CENPP: variants seen among roughly 807,000 people sequenced by gnomAD.
CENPP encodes the protein centromere protein P.
A neutral mutation model predicts 35.6 loss-of-function variants in CENPP; 24 were observed. The ratio of observed to expected loss-of-function variants is 0.67; its 90% CI spans 0.49 to 0.95. The LOEUF is 0.95. Ranked by LOEUF, CENPP falls within the 40% of genes least tolerant of loss-of-function variation. The pLI is 0.00. For missense variants in CENPP, 332 were observed against 345.3 expected (o/e 0.96, Z 0.31); for synonymous variants, 120 against 125.5 (o/e 0.96, Z 0.29).
At chr9:92,496,010 G>A (rs1205563950) in intron 5 of CENPP, 10 of 1,004,122 alleles carry the variant, frequency 1.0e-5, no homozygotes, top group Non-Finnish European at 1.2e-5. Flanking sequence ...TGATTATAAA[G>A]GCTGTGTTTA....
At chr9:92,514,554 CGTGA>C in intron 5 of CENPP, 2 of 1,506,544 alleles carry the variant, frequency 1.3e-6, no homozygotes, top group Non-Finnish European at 1.8e-6. Flanking sequence ...AGATTATAGG[CGTGA>C]GCCACCGTGC....
intron 4 of CENPP, among the ~76,000 whole-genome samples, chr9:92,351,055 C>T (rs1316943030): frequency 1.3e-5 from 2 of 152,160 alleles, no homozygotes; most frequent in Non-Finnish European, 2.9e-5. Flanking sequence ...AACTTGTTTT[C>T]CTATTTTTTT....
At chr9:92,416,876 G>C in intron 5 of CENPP, 5 of 1,613,930 alleles carry the variant, frequency 3.1e-6, no homozygotes, top group Non-Finnish European at 4.2e-6. Context: ...CAAACCAGGA[G>C]GCATTGATTC....
At chr9:92,436,200 G>A (rs913001969) in intron 5 of CENPP, among the ~76,000 whole-genome samples, 1 of 152,142 alleles carries the variant, frequency 6.6e-6, no homozygotes, top group Non-Finnish European at 1.5e-5. Context: ...TGCTATCTGT[G>A]TATTCTTTTT....
chr9:92,408,409 C>A (rs1055702788), intron 5 of CENPP, among the ~76,000 whole-genome samples: 1 of 152,160 alleles, frequency 6.6e-6, no homozygotes, highest in Non-Finnish European at 1.5e-5. Context: ...TGGTCTCGAT[C>A]TCTTGATCTC....
intron 5 of CENPP, chr9:92,517,916 A>G: frequency 6.2e-7 from 1 of 1,609,874 alleles, no homozygotes; most frequent in Non-Finnish European, 8.5e-7. Context: ...TTCTTATGTG[A>G]TTATCAGTAA....
intron 5 of CENPP, among the ~76,000 whole-genome samples, chr9:92,543,006 T>C (rs1041503940): frequency 4.6e-5 from 7 of 152,224 alleles, no homozygotes; most frequent in African/African-American, 1.7e-4. Context: ...CTTGGCACTT[T>C]TGTCAAAAAC....
chr9:92,501,514 G>A (rs2131154398), intron 5 of CENPP, among the ~76,000 whole-genome samples: 1 of 152,210 alleles, frequency 6.6e-6, no homozygotes, highest in Admixed American at 6.5e-5. Context: ...TTCCACATTT[G>A]ATTTGATGAC....
chr9:92,504,507 T>C (rs1846876678), intron 5 of CENPP, among the ~76,000 whole-genome samples: 1 of 152,162 alleles, frequency 6.6e-6, no homozygotes, highest in Non-Finnish European at 1.5e-5. Flanking sequence ...ATAGACTCTC[T>C]GGACCTCAGT....
chr9:92,619,385 G>C lies in CENPP; in HGVS notation c.*6236G>C. The C allele has an allele frequency of 1.1e-6, 1 of 923,562 alleles. No individual in the cohort carries two copies. The highest frequency in any genetic ancestry group is 1.6e-5 in the African/African-American group (1 of 61,364). The allele number at this position is 923,562 out of a possible 1,614,324, so 57.2% of individuals were successfully genotyped here. On this transcript the variant is annotated 3_prime_UTR_variant, in exon 8 of 8. Coordinates refer to ENST00000375587, the MANE Select transcript of CENPP (RefSeq NM_001012267.3). ...GGAAGTTATGTCACTCCGCCATGGA[G>C]TCTCTAAATATGGGGAAACCAACTA... is the stretch of plus-strand genomic sequence containing the variant.
chr9:92,518,090 A>G (rs971799868), intron 5 of CENPP, among the ~76,000 whole-genome samples: 11 of 152,330 alleles, frequency 7.2e-5, no homozygotes, highest in African/African-American at 2.4e-4. Flanking sequence ...AGGCTCTAAG[A>G]GTGAACTCCT....
At chr9:92,431,430 G>C (rs1269247523) in intron 5 of CENPP, among the ~76,000 whole-genome samples, 1 of 152,210 alleles carries the variant, frequency 6.6e-6, no homozygotes, top group Non-Finnish European at 1.5e-5. Context: ...AATTTGGTAA[G>C]TATTCAGTGG....
intron 5 of CENPP, among the ~76,000 whole-genome samples, chr9:92,481,467 TTTCCTGGGTGCCA>T (rs1845909231): frequency 6.6e-6 from 1 of 152,212 alleles, no homozygotes; most frequent in Admixed American, 6.5e-5. Context: ...GTGGCCACTG[TTTCCTGGGTGCCA>T]CACCTCTGAA....
In CENPP at chr9:92,613,531, T is replaced by G. The variant is rs1851336604; in HGVS notation, c.*382T>G. On this transcript the variant is annotated 3_prime_UTR_variant, in exon 8 of 8. Transcript: ENST00000375587. ...GAGAAGCCACCCTTATCCTGGTTCC[T>G]GCCTCCTGGGGGCTCTGGAGACGGA... 4.4e-6 allele frequency: 1 copy of G among 227,194 alleles called. No homozygotes were observed. Among genetic ancestry groups the G allele is most frequent in the Admixed American group, 5.0e-5 (1 of 20,026 alleles). The allele number at this position is 227,194 out of a possible 1,614,324, so 14.1% of individuals were successfully genotyped here.
intron 5 of CENPP, among the ~76,000 whole-genome samples, chr9:92,418,457 T>C (rs1159652755): frequency 6.6e-6 from 1 of 152,020 alleles, no homozygotes; most frequent in Non-Finnish European, 1.5e-5. Flanking sequence ...CTAGACTTTC[T>C]ACTAAGTAAC....
chr9:92,552,218 C>CCCA (rs1849632711), intron 5 of CENPP, among the ~76,000 whole-genome samples: 3 of 149,978 alleles, frequency 2.0e-5, no homozygotes, highest in African/African-American at 7.4e-5. Flanking sequence ...CACACACACC[C>CCCA]CACAGTTTCT....
chr9:92,571,875 C>G (rs1319177932), intron 5 of CENPP, among the ~76,000 whole-genome samples: 1 of 145,748 alleles, frequency 6.9e-6, no homozygotes, highest in Non-Finnish European at 1.5e-5. Context: ...GGTTTAAAGT[C>G]TGTTTTATCA....
At chr9:92,446,251 G>T (rs1436873864) in intron 5 of CENPP, among the ~76,000 whole-genome samples, 2 of 152,054 alleles carry the variant, frequency 1.3e-5, no homozygotes, top group Admixed American at 6.6e-5. Context: ...TTCTATATTT[G>T]GGTTCATTTT....
At chr9:92,325,926 T>TTGAAGCGCGGG (rs755439207), upstream of CENPP, 292 of 1,347,380 alleles carry the variant, frequency 2.2e-4, no homozygotes, top group Middle Eastern at 9.4e-3. Context: ...CGCGCGAGGC[T>TTGAAGCGCGGG]TGAAGCGCGG....
Sources: gnomAD v4.1 joint callset for allele counts (sites outside exome capture counted in the v4.1 genomes callset) on GRCh38, gnomAD v4.1.1 for gene constraint, MANE v1.5 for transcripts, NCBI Gene and HGNC (gene_info 2026-07-23, HGNC 2026-07-21) for gene names.